The following RNF13 variants were observed in gnomAD, a reference collection of about 807,000 sequenced individuals.
RNF13 encodes E3 ubiquitin-protein ligase RNF13.
A neutral mutation model predicts 37.7 loss-of-function variants in RNF13; 19 were observed. That is an observed-to-expected ratio of 0.50 (90% CI 0.35 to 0.74). RNF13 has a LOEUF of 0.74. Ranked by LOEUF, RNF13 falls within the 30% of genes least tolerant of loss-of-function variation. The pLI is 0.01. For synonymous variants in RNF13, 144 were observed against 157.8 expected, an observed-to-expected ratio of 0.91 and a Z score of 0.65; for missense variants, 375 against 453.0, an observed-to-expected ratio of 0.83 and a Z score of 1.56.
chr3:149,839,822 T>C (rs1721993521), intron 1 of RNF13, among the ~76,000 whole-genome samples: 1 of 152,132 alleles, frequency 6.6e-6, no homozygotes, highest in Non-Finnish European at 1.5e-5. Flanking sequence ...ATTCCGAAAA[T>C]GTATTTTTAT....
intron 8 of RNF13, among the ~76,000 whole-genome samples, chr3:149,932,696 G>A (rs1295562078): frequency 2.6e-5 from 4 of 152,228 alleles, no homozygotes; most frequent in Non-Finnish European, 5.9e-5. Flanking sequence ...CAAGGGGTGG[G>A]CTCCCAATGC....
chr3:149,951,800 A>T (rs1721370287), intron 8 of RNF13, among the ~76,000 whole-genome samples: 1 of 152,222 alleles, frequency 6.6e-6, no homozygotes, highest in Non-Finnish European at 1.5e-5. Context: ...TAATTAGGAA[A>T]AACTGTCATG....
In RNF13 at chr3:149,956,725, A is replaced by T. The variant is rs759175115; in HGVS notation, c.701-3331A>T. Among the ~76,000 whole-genome samples the T allele has an allele frequency of 2.5e-4, 38 of 152,204 alleles. 1 individual carries two copies. The highest frequency in any genetic ancestry group is 6.5e-4 in the Admixed American group (10 of 15,278). On this transcript the variant is annotated intron_variant, in intron 8 of 9. Coordinates refer to ENST00000392894, the MANE Select transcript of RNF13 (RefSeq NM_183381.3). ...CTTATTGTTTCATATAACAGACATG[A>T]ATCTGATTTCTTCCACAACTTCTGA...
chr3:149,943,645 C>T (rs1007654871), intron 8 of RNF13, among the ~76,000 whole-genome samples: 11 of 152,072 alleles, frequency 7.2e-5, no homozygotes, highest in Non-Finnish European at 1.2e-4. Context: ...GGAGTAGGTT[C>T]ACTGCCCTAG....
chr3:149,889,286 A>AGTGTGTGTGTGTGT (rs1390991976), intron 4 of RNF13, among the ~76,000 whole-genome samples: 2 of 45,336 alleles, frequency 4.4e-5, no homozygotes, highest in African/African-American at 1.7e-4. Flanking sequence ...TCTGAATTTG[A>AGTGTGTGTGTGTGT]GTGTGCGTGT....
chr3:149,822,143 A>T (rs968172764), intron 1 of RNF13, among the ~76,000 whole-genome samples: 1 of 152,136 alleles, frequency 6.6e-6, no homozygotes, highest in Non-Finnish European at 1.5e-5. Flanking sequence ...TTGCAATTCC[A>T]TATGAATTTG....
chr3:149,887,724 CTT>C (rs996033544), intron 4 of RNF13, among the ~76,000 whole-genome samples: 1 of 152,202 alleles, frequency 6.6e-6, no homozygotes, highest in Non-Finnish European at 1.5e-5. Context: ...TCTCCTCTCC[CTT>C]TGCCCTACTC....
intron 1 of RNF13, among the ~76,000 whole-genome samples, chr3:149,835,335 T>A (rs1318909529): frequency 6.6e-6 from 1 of 152,064 alleles, no homozygotes; most frequent in Admixed American, 6.6e-5. Flanking sequence ...GGGGAACAGG[T>A]GGTATTTGGT....
At chr3:149,823,570 T>A (rs563175136) in intron 1 of RNF13, among the ~76,000 whole-genome samples, 1 of 152,204 alleles carries the variant, frequency 6.6e-6, no homozygotes, top group Non-Finnish European at 1.5e-5. Flanking sequence ...GAAAGATTTA[T>A]ATTCATTGGA....
At chr3:149,947,968 G>A (rs1481540731) in intron 8 of RNF13, among the ~76,000 whole-genome samples, 1 of 151,906 alleles carries the variant, frequency 6.6e-6, no homozygotes, top group African/African-American at 2.4e-5. Context: ...TTGTTTGTTT[G>A]AGAAGGAGTC....
intron 1 of RNF13, among the ~76,000 whole-genome samples, chr3:149,829,833 A>G (rs1720870573): frequency 1.3e-5 from 2 of 152,094 alleles, no homozygotes; most frequent in Non-Finnish European, 2.9e-5. Flanking sequence ...TATAAACCCC[A>G]TGTGTTGTGG....
chr3:149,861,428 G>A (rs902194013), intron 3 of RNF13, among the ~76,000 whole-genome samples: 12 of 152,118 alleles, frequency 7.9e-5, no homozygotes, highest in African/African-American at 2.7e-4. Context: ...TATATGGAAT[G>A]TAATACTATT....
At chr3:149,956,319 G>GA (rs1352887373) in intron 8 of RNF13, among the ~76,000 whole-genome samples, 4 of 152,188 alleles carry the variant, frequency 2.6e-5, no homozygotes, top group Admixed American at 2.0e-4. Flanking sequence ...GAGAGAAGGG[G>GA]AAAGATTCAG....
intron 8 of RNF13, among the ~76,000 whole-genome samples, chr3:149,931,095 ACT>A (rs1241303347): frequency 6.6e-6 from 1 of 151,362 alleles, no homozygotes; most frequent in South Asian, 2.1e-4. Flanking sequence ...ACAAGGTCTC[ACT>A]CTGTCATCCA....
chr3:149,878,080 T>G (rs948182644), intron 4 of RNF13, among the ~76,000 whole-genome samples: 2 of 152,190 alleles, frequency 1.3e-5, no homozygotes, highest in East Asian at 3.8e-4. Flanking sequence ...TCTAATCTAA[T>G]GAAGCAGTGT....
At chr3:149,823,179 T>C (rs533836049) in intron 1 of RNF13, among the ~76,000 whole-genome samples, 1 of 152,250 alleles carries the variant, frequency 6.6e-6, no homozygotes, top group African/African-American at 2.4e-5. Flanking sequence ...ATTTATAAAG[T>C]GCTTGCTGTG....
intron 2 of RNF13, among the ~76,000 whole-genome samples, chr3:149,847,830 CCT>C (rs1215997088): frequency 2.0e-5 from 3 of 152,062 alleles, no homozygotes; most frequent in African/African-American, 7.2e-5. Flanking sequence ...TCTCTTTTTC[CCT>C]CTCTGTTGTT....
chr3:149,923,370 A>G (rs1240088849), intron 8 of RNF13, among the ~76,000 whole-genome samples: 1 of 152,186 alleles, frequency 6.6e-6, no homozygotes, highest in African/African-American at 2.4e-5. Context: ...GACTATAGGC[A>G]TGTGCCACTG....
Position 149,912,018 on chromosome 3 carries a change from G to C in RNF13, c.541G>C (p.Glu181Gln), listed in dbSNP as rs746501113. ...AGTTCCAGAATTTAGTCTTCCTTTG[G>C]AATACTACCTAATTCCCTTCCTTAT... Reference protein sequence around the residue: ...ILVPEFSLPLEYYLIPFLIIV... With the variant: ...ILVPEFSLPLQYYLIPFLIIV... Residue 181 changes from glutamate to glutamine, a missense_variant, in exon 7 of 10, where the codon GAA (glutamate) becomes CAA (glutamine). Transcript: ENST00000392894. 6.2e-6 allele frequency: 10 copies of C among 1,600,390 alleles called. No individual in the cohort carries two copies. The highest frequency in any genetic ancestry group is 1.3e-5 in the African/African-American group (1 of 74,510).
Sources: allele counts gnomAD v4.1 joint callset (sites outside exome capture counted in the v4.1 genomes callset), GRCh38; gene constraint gnomAD v4.1.1; transcripts MANE v1.5; gene names NCBI Gene and HGNC (gene_info 2026-07-23, HGNC 2026-07-21).